Variants in CAPG observed in about 807,000 individuals in gnomAD.
CAPG encodes the protein macrophage-capping protein.
In CAPG, 32 loss-of-function variants were observed where a neutral mutation model predicts 44.6. The observed-to-expected ratio is 0.72, with a 90% CI of 0.54 to 0.96. The LOEUF is 0.96. Ranked by LOEUF, CAPG falls within the 50% of genes least tolerant of loss-of-function variation. CAPG has a pLI of 0.00. For synonymous variants in CAPG, 175 were observed against 179.6 expected, an observed-to-expected ratio of 0.97 and a Z score of 0.20; for missense variants, 412 against 438.3, an observed-to-expected ratio of 0.94 and a Z score of 0.54.
At chr2:85,412,872 G>A (rs1223985260), upstream of CAPG, among the ~76,000 whole-genome samples, 2 of 152,146 alleles carry the variant, frequency 1.3e-5, no homozygotes, top group Non-Finnish European at 2.9e-5. Context: ...GCCCCAATCT[G>A]TAACACGTGC....
intron 8 of CAPG, among the ~76,000 whole-genome samples, chr2:85,396,520 A>G (rs1360584261): frequency 6.6e-6 from 1 of 152,160 alleles, no homozygotes; most frequent in Admixed American, 6.5e-5. Flanking sequence ...AATATGCTGG[A>G]TTCCTTCCTC....
intron 1 of CAPG, among the ~76,000 whole-genome samples, chr2:85,404,946 A>C (rs1687077554): frequency 6.9e-6 from 1 of 145,490 alleles, no homozygotes; most frequent in Non-Finnish European, 1.5e-5. Flanking sequence ...AAAAAAAAAA[A>C]AAAAATTTTT....
At chr2:85,411,130 A>G (rs551303571), upstream of CAPG, among the ~76,000 whole-genome samples, 1 of 152,332 alleles carries the variant, frequency 6.6e-6, no homozygotes, top group South Asian at 2.1e-4. Flanking sequence ...TGCTGGGATT[A>G]CAGGCGTGGG....
chr2:85,398,906 G>A (rs930948976), intron 6 of CAPG, 124 bp from the exon 7 acceptor site: 3 of 844,442 alleles, frequency 3.6e-6, no homozygotes, highest in Non-Finnish European at 5.5e-6. Context: ...ACCCAGCAGA[G>A]GTGAGGTGAG....
intron 1 of CAPG, among the ~76,000 whole-genome samples, chr2:85,409,314 G>A (rs1362855009): frequency 6.6e-6 from 1 of 152,308 alleles, no homozygotes; most frequent in Non-Finnish European, 1.5e-5. Context: ...CATGGGGCTG[G>A]GGGAGGGGAG....
chr2:85,399,761 G>A (rs56122947), intron 5 of CAPG, among the ~76,000 whole-genome samples: 22,457 of 134,092 alleles, frequency 0.17, 2,224 homozygotes, highest in Non-Finnish European at 0.23. Flanking sequence ...TTTTTTTTGA[G>A]ATGGAGTTTC....
At position 85,395,565 on chromosome 2, in the gene CAPG, C is replaced by G. The variant is rs540080364; in HGVS notation, c.954G>C (p.Ser318=). 8 of 1,613,722 alleles carry G rather than the reference C, an allele frequency of 5.0e-6. No individual in the cohort carries two copies. Among genetic ancestry groups the G allele is most frequent in the African/African-American group, 1.3e-5 (1 of 74,900 alleles). ...GAGTGTTCGGGGCGTACTGCATGCG[C>G]GAGATGAAGCCCTCGGCCACCTGCA... ...AALQVAEGFI[S]RMQYAPNTQV... is the part of the protein sequence containing the mutation. The change falls in exon 9 of 10, where the codon TCG becomes TCC. Residue 318 remains serine, a synonymous_variant. Coordinates refer to ENST00000263867, the MANE Select transcript of CAPG (RefSeq NM_001747.4). The surrounding 1 kb of genome is among the most constrained non-coding windows in gnomAD (Gnocchi z 4.3).
chr2:85,399,157 C>CATCAGTG lies in CAPG; in HGVS notation c.644_645insCACTGAT (p.Glu215AspfsTer7), dbSNP rs775876364. 2.0e-5 allele frequency: 33 copies of CATCAGTG among 1,614,106 alleles called. No individual in the cohort carries two copies. Among genetic ancestry groups the CATCAGTG allele is most frequent in the Non-Finnish European group, 2.7e-5 (32 of 1,180,008 alleles). ...CAACCTGGATCATCTCAGCAGGCTC[C>CATCAGTG]TCCCCATCAGTGACAATCTCCACCT... On this transcript the variant is annotated frameshift_variant, in exon 6 of 10. Coordinates refer to ENST00000263867, the MANE Select transcript of CAPG (RefSeq NM_001747.4). LOFTEE classifies it high-confidence loss of function.
At chr2:85,401,501 G>A (rs773757356) in intron 4 of CAPG, 28 bp downstream of exon 4, 4 of 1,611,468 alleles carry the variant, frequency 2.5e-6, no homozygotes, top group South Asian at 1.1e-5. Flanking sequence ...AAGCTGCAGG[G>A]TGGGGGTGCC....
upstream of CAPG, chr2:85,413,266 G>A (rs935622610): frequency 2.6e-5 from 4 of 152,218 alleles, no homozygotes; most frequent in Admixed American, 6.5e-5. Flanking sequence ...GGAAAAAAGG[G>A]GAGAGGTTTA....
At chr2:85,411,495 A>C (rs1421914595), upstream of CAPG, among the ~76,000 whole-genome samples, 1 of 152,216 alleles carries the variant, frequency 6.6e-6, no homozygotes, top group Non-Finnish European at 1.5e-5. Context: ...TCCCTTCTGA[A>C]TCCCTGGGGG....
chr2:85,392,090 C>T (rs1199376850), downstream of CAPG, among the ~76,000 whole-genome samples: 1 of 152,240 alleles, frequency 6.6e-6, no homozygotes, highest in Non-Finnish European at 1.5e-5. Context: ...CTGTTGGTTC[C>T]TTCCCAAAAG....
At chr2:85,398,495 C>A (rs1686716770) in intron 7 of CAPG, 195 bp downstream of exon 7, 2 of 603,012 alleles carry the variant, frequency 3.3e-6, no homozygotes, top group Non-Finnish European at 5.9e-6. Context: ...CACTCATCTC[C>A]TCAGGAGGGC....
At chr2:85,410,211 C>G (rs1333405733) in intron 1 of CAPG, 106 bp downstream of exon 1, 1 of 152,644 alleles carries the variant, frequency 6.6e-6, no homozygotes, top group African/African-American at 2.4e-5. Flanking sequence ...CAGGCCACCA[C>G]AGCCAGCCCT....
chr2:85,413,278 A>T (rs1489911414), upstream of CAPG: 1 of 152,240 alleles, frequency 6.6e-6, no homozygotes, highest in East Asian at 1.9e-4. Context: ...AGAGGTTTAC[A>T]CATTAACAGC....
chr2:85,398,181 AC>A, intron 7 of CAPG, 29 bp from the exon 8 acceptor site: 1 of 1,606,224 alleles, frequency 6.2e-7, no homozygotes, highest in South Asian at 1.1e-5. Context: ...GCCTGATCTC[AC>A]CCCCCACACA....
rs561027446 is a variant in CAPG at position 85,405,539 on chromosome 2, G to T, written c.-13-3381C>A. ...ATCAGGAAGTGCAATATTTCGCAGGGGCCAGGGAAGTCAGGGGTAGGGGGA... is the reference window on the plus strand; with the variant it reads ...ATCAGGAAGTGCAATATTTCGCAGGTGCCAGGGAAGTCAGGGGTAGGGGGA... On this transcript the variant is annotated intron_variant, in intron 1 of 9. Coordinates refer to ENST00000263867, the MANE Select transcript of CAPG (RefSeq NM_001747.4). 2.0e-5 allele frequency among the ~76,000 whole-genome samples: 3 copies of T among 152,218 alleles called. No homozygotes were observed. The East Asian group carries it at 5.8e-4, about 29-fold the overall frequency.
chr2:85,394,468 A>G (rs971913501), downstream of CAPG, among the ~76,000 whole-genome samples: 1 of 152,242 alleles, frequency 6.6e-6, no homozygotes, highest in Non-Finnish European at 1.5e-5. Flanking sequence ...ACTGCCTTAA[A>G]TGGAACTGCA....
At chr2:85,415,479 A>G (rs1374988983) in intron 1 of CAPG, among the ~76,000 whole-genome samples, 1 of 152,204 alleles carries the variant, frequency 6.6e-6, no homozygotes, top group Non-Finnish European at 1.5e-5. Flanking sequence ...CAGATGCAAC[A>G]CCCATGTAAC....
Sources: gnomAD v4.1 joint callset for allele counts (sites outside exome capture counted in the v4.1 genomes callset) on GRCh38, gnomAD v4.1.1 for gene constraint, Gnocchi (gnomAD v3.1) non-coding constraint, MANE v1.5 for transcripts, NCBI Gene and HGNC (gene_info 2026-07-23, HGNC 2026-07-21) for gene names.